The following ADGRD1 variants were observed in gnomAD, a reference collection of about 807,000 sequenced individuals.
ADGRD1 encodes G-protein coupled receptor 133.
In ADGRD1, 77 loss-of-function variants were observed where a neutral mutation model predicts 113.4. The ratio of observed to expected loss-of-function variants is 0.68; its 90% CI spans 0.57 to 0.82. The LOEUF is 0.82. Ranked by LOEUF, ADGRD1 falls within the 40% of genes least tolerant of loss-of-function variation. ADGRD1 has a pLI of 0.00. For missense variants in ADGRD1, 1,036 were observed against 1,139.1 expected, an observed-to-expected ratio of 0.91 and a Z score of 1.30; for synonymous variants, 474 against 475.0, an observed-to-expected ratio of 1.00 and a Z score of 0.03.
intron 9 of ADGRD1, chr12:131,002,551 A>G (rs1326062835): frequency 8.9e-6 from 9 of 1,007,762 alleles, no homozygotes; most frequent in Non-Finnish European, 1.1e-5. Context: ...CCAGCTCAGC[A>G]GGGCTTAAGA....
At chr12:130,976,473 G>A (rs148417882) in intron 4 of ADGRD1, among the ~76,000 whole-genome samples, 302 of 152,318 alleles carry the variant, frequency 2.0e-3, no homozygotes, top group African/African-American at 7.0e-3. Context: ...CTGAGTCTCA[G>A]TGGACAAGGC....
rs144554405 is a variant in ADGRD1 at position 131,060,720 on chromosome 12, G to T, written c.1474-16081G>T. Among the ~76,000 whole-genome samples the T allele has an allele frequency of 6.6e-6, 1 of 152,138 alleles. No homozygotes were observed. The highest frequency in any genetic ancestry group is 1.5e-5 in the Non-Finnish European group (1 of 68,030). Reference sequence around the variant, plus strand: ...TTCTGTGTCTTCCATCTTCCCTCACGTATCAGTAGCTACCCCTGGATTCTT... The same window carrying T: ...TTCTGTGTCTTCCATCTTCCCTCACTTATCAGTAGCTACCCCTGGATTCTT... On this transcript the variant is annotated intron_variant, in intron 13 of 24. Coordinates refer to ENST00000261654, the MANE Select transcript of ADGRD1 (RefSeq NM_198827.5). This position sits in a 1 kb window ranked among gnomAD's most constrained non-coding sequence, Gnocchi z 4.4.
chr12:131,136,952 G>C (rs200451845), intron 22 of ADGRD1, 21 bp from the exon 23 acceptor site: 9 of 1,599,388 alleles, frequency 5.6e-6, no homozygotes, highest in Non-Finnish European at 6.0e-6. Flanking sequence ...TAATCTCTGC[G>C]TTTCTTCCCT....
chr12:131,054,703 C>T (rs549197617), intron 13 of ADGRD1, among the ~76,000 whole-genome samples: 4 of 152,194 alleles, frequency 2.6e-5, no homozygotes, highest in Non-Finnish European at 5.9e-5. Context: ...CCATGCAGCT[C>T]TCTCCTCTCC....
chr12:131,071,906 A>G (rs1322573016), intron 13 of ADGRD1, among the ~76,000 whole-genome samples: 3 of 150,728 alleles, frequency 2.0e-5, no homozygotes, highest in African/African-American at 7.3e-5. Context: ...TGCCAAATGC[A>G]GAACCTGGGC....
rs1167832559 is a variant in ADGRD1, at chr12:131,096,128, C to T, written c.1672-8703C>T. On this transcript the variant is annotated intron_variant, in intron 15 of 24. Transcript: ENST00000261654. The surrounding 1 kb of genome is among the most constrained non-coding windows in gnomAD (Gnocchi z 5.2). The stretch of plus-strand genomic sequence containing the variant: ...CAGACGCAGTTGCTGAGCCTGGGGC[C>T]CCGCTTTGCTCTTTGTTCTTTTTTT... Among the ~76,000 whole-genome samples, 1 of 152,158 alleles carries T rather than the reference C, an allele frequency of 6.6e-6. No homozygotes were observed. Among genetic ancestry groups the T allele is most frequent in the East Asian group, 1.9e-4 (1 of 5,198 alleles).
chr12:131,021,104 G>T (rs1195905), intron 13 of ADGRD1, among the ~76,000 whole-genome samples: 60,281 of 152,102 alleles, frequency 0.4, 12,489 homozygotes, highest in Admixed American at 0.51. Flanking sequence ...AAAATGTCAA[G>T]AATAGTACAG....
intron 8 of ADGRD1, among the ~76,000 whole-genome samples, chr12:130,994,824 G>A (rs1008640790): frequency 3.9e-5 from 6 of 152,224 alleles, no homozygotes; most frequent in African/African-American, 1.4e-4. Flanking sequence ...TGATGGATGT[G>A]CCGGGCATTG....
At position 131,140,948 on chromosome 12, in the gene ADGRD1, G is replaced by A. The variant is rs2136126734; in HGVS notation, c.*1685G>A. The A allele has an allele frequency of 6.6e-6, 1 of 152,410 alleles. No homozygotes were observed. Among genetic ancestry groups the A allele is most frequent in the Middle Eastern group, 3.4e-3 (1 of 294 alleles). The allele number at this position is 152,410 out of a possible 1,614,324, so 9.4% of individuals were successfully genotyped here. A position where few individuals can be genotyped will look rare whatever the true frequency, so the allele number is the denominator to read the frequency against. ...TGCTGCAGGCCAAGGCCGCTGTTCA[G>A]TGAAGAGTCCCATGTTTAGTATGGA... On this transcript the variant is annotated 3_prime_UTR_variant, in exon 25 of 25. Coordinates refer to ENST00000261654, the MANE Select transcript of ADGRD1 (RefSeq NM_198827.5).
At chr12:131,010,798 G>A (rs553479427) in intron 12 of ADGRD1, among the ~76,000 whole-genome samples, 2 of 152,296 alleles carry the variant, frequency 1.3e-5, no homozygotes, top group East Asian at 3.9e-4. Flanking sequence ...GAACAAGAAT[G>A]GGGGCACGCT....
In ADGRD1 at chr12:130,968,942, C is replaced by T. The variant is rs997241060; in HGVS notation, c.187+2396C>T. 4 of 1,259,164 alleles carry T rather than the reference C, an allele frequency of 3.2e-6. 1 individual carries two copies. Among genetic ancestry groups the T allele is most frequent in the Non-Finnish European group, 4.5e-6 (4 of 894,384 alleles). 78.0% of individuals were successfully genotyped at this position (1,259,164 alleles called of 1,614,324 possible). On this transcript the variant is annotated intron_variant, in intron 3 of 24. Transcript: ENST00000261654. ...TCCCATTTGTCTTTTGTCTCACTCA[C>T]TTGCTGTGCTTTTTCTTTTTGTTGT... is the stretch of plus-strand genomic sequence containing the variant.
rs549993383 is a variant in ADGRD1, at chr12:131,075,427, C to T, written c.1474-1374C>T. On this transcript the variant is annotated intron_variant, in intron 13 of 24. Coordinates refer to ENST00000261654, the MANE Select transcript of ADGRD1 (RefSeq NM_198827.5). The surrounding 1 kb of genome is among the most constrained non-coding windows in gnomAD (Gnocchi z 5.3). ...TGCAAGAGTTCACAGCAGGCTGTGG[C>T]TTTGGGAAGACAGAGGAGAAGATGT... Among the ~76,000 whole-genome samples the T allele has an allele frequency of 1.4e-4, 22 of 152,256 alleles. No individual in the cohort carries two copies. The highest frequency in any genetic ancestry group is 4.8e-4 in the African/African-American group (20 of 41,546).
chr12:130,980,973 C>T (rs112880321), intron 4 of ADGRD1: 4 of 152,230 alleles, frequency 2.6e-5, no homozygotes, highest in Admixed American at 1.3e-4. Context: ...CCCTCCTCCC[C>T]CGCAGCGTGG....
rs144905575 is a variant in ADGRD1, at chr12:131,119,896, G to A, written c.2109-951G>A. Among the ~76,000 whole-genome samples the A allele has an allele frequency of 4.2e-3, 647 of 152,298 alleles. 4 individuals are homozygous for A. The highest frequency in any genetic ancestry group is 0.015 in the African/African-American group (607 of 41,562). ...GGGCATTTGCCATCTCCTGGTCCGG[G>A]AGGCTTTGGGGAGGAATGGGGGCAG... On this transcript the variant is annotated intron_variant, in intron 19 of 24. Coordinates refer to ENST00000261654, the MANE Select transcript of ADGRD1 (RefSeq NM_198827.5).
At chr12:131,135,960 T>C (rs951748214) in intron 21 of ADGRD1, 77 bp from the exon 22 acceptor site, 101 of 1,527,304 alleles carry the variant, frequency 6.6e-5, no homozygotes, top group Middle Eastern at 3.4e-4. Flanking sequence ...TCTGGAAGCC[T>C]GGCGTCTCGA....
chr12:131,110,041 G>A (rs778829945), intron 18 of ADGRD1, among the ~76,000 whole-genome samples: 7 of 152,200 alleles, frequency 4.6e-5, no homozygotes, highest in Non-Finnish European at 7.3e-5. Flanking sequence ...GTTGCTGTTT[G>A]CAGAGCATAT....
chr12:131,041,501 G>A lies in ADGRD1; in HGVS notation c.1473+27161G>A, dbSNP rs1466289758. On this transcript the variant is annotated intron_variant, in intron 13 of 24. Transcript: ENST00000261654. This position sits in a 1 kb window ranked among gnomAD's most constrained non-coding sequence, Gnocchi z 4.4. Reference sequence around the variant, plus strand: ...TGACCTTGGCAGGGAGACCGAGACCGAGACCACTTTGTGACCTCCGCAGGG... The same window carrying A: ...TGACCTTGGCAGGGAGACCGAGACCAAGACCACTTTGTGACCTCCGCAGGG... 3.3e-5 allele frequency among the ~76,000 whole-genome samples: 5 copies of A among 152,316 alleles called. No homozygotes were observed. Among genetic ancestry groups the A allele is most frequent in the East Asian group, 1.9e-4 (1 of 5,184 alleles).
intron 13 of ADGRD1, among the ~76,000 whole-genome samples, chr12:131,049,782 G>T (rs1883195147): frequency 6.6e-6 from 1 of 152,230 alleles, no homozygotes; most frequent in Non-Finnish European, 1.5e-5. Context: ...GGCTTTCCTG[G>T]AGCGGGGGAG....
chr12:131,117,493 G>C (rs1394152474), intron 18 of ADGRD1, among the ~76,000 whole-genome samples: 1 of 152,176 alleles, frequency 6.6e-6, no homozygotes, highest in African/African-American at 2.4e-5. Context: ...TGGACCCCAA[G>C]CTCACTGACA....
Sources: gnomAD v4.1 joint callset for allele counts (sites outside exome capture counted in the v4.1 genomes callset) on GRCh38, gnomAD v4.1.1 for gene constraint, Gnocchi (gnomAD v3.1) non-coding constraint, MANE v1.5 for transcripts, NCBI Gene and HGNC (gene_info 2026-07-23, HGNC 2026-07-21) for gene names.